CRYL1: variants seen among roughly 807,000 people sequenced by gnomAD.
CRYL1 encodes crystallin lambda 1, also known as lambda-crystallin homolog.
Under a neutral mutation model 36.6 loss-of-function variants are expected in CRYL1, and 29 were observed. The observed-to-expected ratio is 0.79, with a 90% confidence interval of 0.59 to 1.08. The LOEUF is 1.08. CRYL1 is among the 50% of genes least tolerant of loss of function. CRYL1 has a pLI of 0.00. For missense variants in CRYL1, 411 were observed against 407.9 expected, an observed-to-expected ratio of 1.01 and a Z score of -0.06; for synonymous variants, 152 against 151.5, an observed-to-expected ratio of 1.00 and a Z score of -0.02.
chr13:20,494,628 A>T (rs561468116), intron 2 of CRYL1, among the ~76,000 whole-genome samples: 132 of 152,306 alleles, frequency 8.7e-4, no homozygotes, highest in African/African-American at 3.0e-3. Flanking sequence ...GCGTCTTCAA[A>T]CCTTTCCACT....
At chr13:20,459,049 C>T (rs960459899) in intron 3 of CRYL1, among the ~76,000 whole-genome samples, 3 of 152,006 alleles carry the variant, frequency 2.0e-5, no homozygotes, top group African/African-American at 7.3e-5. Context: ...TCCTGGCTAA[C>T]ACGGTGAAAC....
chr13:20,446,029 C>T (rs184518857), intron 3 of CRYL1, among the ~76,000 whole-genome samples: 2 of 152,302 alleles, frequency 1.3e-5, no homozygotes, highest in East Asian at 3.9e-4. Context: ...AAGCTAAGCA[C>T]AGTATACAAG....
Position 20,404,094 on chromosome 13 carries a change from C to G in CRYL1, c.*35G>C. On this transcript the variant is annotated 3_prime_UTR_variant, in exon 8 of 8. Coordinates refer to ENST00000298248, the MANE Select transcript of CRYL1 (RefSeq NM_015974.3). Reference sequence around the variant, plus strand: ...CTTGCAGTGTTCCCAAATAGGGCCTCCAATGAGAGGAGTGGAAGCTGCATT... The same window carrying G: ...CTTGCAGTGTTCCCAAATAGGGCCTGCAATGAGAGGAGTGGAAGCTGCATT... The G allele has an allele frequency of 6.9e-7, 1 of 1,444,796 alleles. No individual in the cohort carries two copies. Among genetic ancestry groups the G allele is most frequent in the Non-Finnish European group, 9.7e-7 (1 of 1,026,030 alleles). The allele number at this position is 1,444,796 out of a possible 1,614,324, so 89.5% of individuals were successfully genotyped here.
chr13:20,489,910 T>G (rs983147408), intron 2 of CRYL1, among the ~76,000 whole-genome samples: 1 of 152,036 alleles, frequency 6.6e-6, no homozygotes, highest in African/African-American at 2.4e-5. Context: ...CATCAATAGA[T>G]GAGTAGATAA....
Position 20,415,714 on chromosome 13 carries a change from C to T in CRYL1, c.634-2327G>A, listed in dbSNP as rs2031646045. Among the ~76,000 whole-genome samples the T allele has an allele frequency of 6.6e-6, 1 of 152,256 alleles. No homozygotes were observed. Among genetic ancestry groups the T allele is most frequent in the African/African-American group, 2.4e-5 (1 of 41,464 alleles). ...CGCCTGCCGCAGACTCCGCCCGCTT[C>T]TAGAGGCCCGCACCCTGACTCCTGC... On this transcript the variant is annotated intron_variant, in intron 5 of 7. Coordinates refer to ENST00000298248, the MANE Select transcript of CRYL1 (RefSeq NM_015974.3). The surrounding 1 kb of genome is among the most constrained non-coding windows in gnomAD (Gnocchi z 4.1).
At chr13:20,404,370 TG>T in intron 7 of CRYL1, 128 bp from the exon 8 acceptor site, 2 of 654,950 alleles carry the variant, frequency 3.1e-6, no homozygotes, top group Non-Finnish European at 5.3e-6. Flanking sequence ...AAACCCTCAA[TG>T]AACAGCAGCT....
chr13:20,493,168 C>A (rs1565982284), intron 2 of CRYL1, among the ~76,000 whole-genome samples: 1 of 152,236 alleles, frequency 6.6e-6, no homozygotes, highest in Non-Finnish European at 1.5e-5. Flanking sequence ...TGTCAAGCAC[C>A]CCTTGGAACT....
In CRYL1 at chr13:20,503,058, C is replaced by T. The variant is rs1050611246; in HGVS notation, c.149+9385G>A. Among the ~76,000 whole-genome samples, 8 of 152,162 alleles carry T rather than the reference C, an allele frequency of 5.3e-5. No homozygotes were observed. The East Asian group carries it at 5.8e-4, about 11-fold the overall frequency. ...GCAGCAAGATCACTCGGAATCCTGCCGCCCAGAGTCAAAGTATTAATATTT... is the reference window on the plus strand; with the variant it reads ...GCAGCAAGATCACTCGGAATCCTGCTGCCCAGAGTCAAAGTATTAATATTT... On this transcript the variant is annotated intron_variant, in intron 2 of 7. Coordinates refer to ENST00000298248, the MANE Select transcript of CRYL1 (RefSeq NM_015974.3).
intron 2 of CRYL1, among the ~76,000 whole-genome samples, chr13:20,510,909 C>CAA (rs35059101): frequency 1.4e-4 from 21 of 149,058 alleles, no homozygotes; most frequent in African/African-American, 3.2e-4. Context: ...AGCTCCGTGG[C>CAA]AAAAAAAAAG....
chr13:20,513,097 G>A (rs35016300), intron 1 of CRYL1, among the ~76,000 whole-genome samples: 7 of 152,118 alleles, frequency 4.6e-5, no homozygotes, highest in Non-Finnish European at 7.4e-5. Context: ...TTAAGTACAC[G>A]TTTTAATAAC....
chr13:20,521,162 G>A (rs1380258425), intron 1 of CRYL1, among the ~76,000 whole-genome samples: 4 of 136,122 alleles, frequency 2.9e-5, no homozygotes, highest in Admixed American at 7.3e-5. Context: ...AGGAAGGAAC[G>A]AACGAACGAA....
chr13:20,424,989 A>G (rs933602524), intron 5 of CRYL1, among the ~76,000 whole-genome samples: 8 of 151,822 alleles, frequency 5.3e-5, no homozygotes, highest in African/African-American at 1.9e-4. Flanking sequence ...GGCTCCCCCA[A>G]CTTCCCTACA....
intron 2 of CRYL1, among the ~76,000 whole-genome samples, chr13:20,489,784 A>G (rs2033474239): frequency 6.6e-6 from 1 of 152,234 alleles, no homozygotes; most frequent in Admixed American, 6.5e-5. Flanking sequence ...CAGCAATTCA[A>G]CTTCTGGGTA....
intron 5 of CRYL1, among the ~76,000 whole-genome samples, chr13:20,424,771 G>A (rs535728965): frequency 6.6e-6 from 1 of 152,288 alleles, no homozygotes; most frequent in African/African-American, 2.4e-5. Context: ...ATCCTTTCTG[G>A]GGTGATGTGA....
chr13:20,469,213 A>C (rs1336414190), intron 3 of CRYL1, among the ~76,000 whole-genome samples: 11 of 152,254 alleles, frequency 7.2e-5, no homozygotes, highest in Admixed American at 7.2e-4. Flanking sequence ...CCACATAGGA[A>C]GATGTCAAGG....
intron 1 of CRYL1, 74 bp from the exon 2 acceptor site, chr13:20,512,624 G>GT (rs966358902): frequency 1.1e-4 from 117 of 1,101,744 alleles, no homozygotes; most frequent in African/African-American, 5.4e-4. Flanking sequence ...CCCAGAATGA[G>GT]TTTTTTTTAA....
chr13:20,449,115 C>T (rs1008998835), intron 3 of CRYL1, among the ~76,000 whole-genome samples: 1 of 152,170 alleles, frequency 6.6e-6, no homozygotes. Flanking sequence ...TTGCAGTGAG[C>T]CAAGATTGAG....
intron 2 of CRYL1, among the ~76,000 whole-genome samples, chr13:20,496,122 C>T (rs1287648789): frequency 2.0e-5 from 3 of 152,120 alleles, no homozygotes; most frequent in Non-Finnish European, 2.9e-5. Flanking sequence ...TTTTACTTAA[C>T]ATTATGCTTA....
At chr13:20,413,246 T>C (rs546635764) in intron 6 of CRYL1, 36 bp downstream of exon 6, 18 of 1,401,500 alleles carry the variant, frequency 1.3e-5, no homozygotes, top group Non-Finnish European at 1.8e-5. Flanking sequence ...CAACACTAAA[T>C]AGAATGGAAT....
Sources: gnomAD v4.1 joint callset for allele counts (sites outside exome capture counted in the v4.1 genomes callset) on GRCh38, gnomAD v4.1.1 for gene constraint, Gnocchi (gnomAD v3.1) non-coding constraint, MANE v1.5 for transcripts, NCBI Gene and HGNC (gene_info 2026-07-23, HGNC 2026-07-21) for gene names.